The following C9orf85 variants were observed in gnomAD, a reference collection of about 807,000 sequenced individuals.
C9orf85 encodes uncharacterized protein C9orf85.
A neutral mutation model predicts 14.9 loss-of-function variants in C9orf85; 16 were observed. The ratio of observed to expected loss-of-function variants is 1.08; its 90% CI spans 0.73 to 1.63. The LOEUF (loss-of-function observed/expected upper bound fraction) is 1.63. C9orf85 is among the 40% of genes most tolerant of loss of function. C9orf85 has a pLI of 0.00. For synonymous variants in C9orf85, 45 were observed against 56.8 expected (o/e 0.79, Z 0.93); for missense variants, 172 against 186.1 (o/e 0.92, Z 0.44).
At chr9:71,918,518 G>T in intron 1 of C9orf85, 1 of 1,082,342 alleles carries the variant, frequency 9.2e-7, no homozygotes, top group Non-Finnish European at 1.3e-6. Context: ...TCCATGGCCT[G>T]TCAGGAACTG....
chr9:71,961,431 T>G (rs757100752), intron 2 of C9orf85, among the ~76,000 whole-genome samples: 4 of 151,952 alleles, frequency 2.6e-5, no homozygotes, highest in Non-Finnish European at 5.9e-5. Context: ...CATGGTGGCA[T>G]GCACCTGTAG....
intron 2 of C9orf85, among the ~76,000 whole-genome samples, chr9:71,963,296 G>A (rs1822576443): frequency 6.6e-6 from 1 of 152,154 alleles, no homozygotes. Context: ...CTTGCTCCCA[G>A]AGCTCCCAAG....
At chr9:71,915,991 G>T (rs1827639844) in intron 1 of C9orf85, among the ~76,000 whole-genome samples, 1 of 152,162 alleles carries the variant, frequency 6.6e-6, no homozygotes, top group South Asian at 2.1e-4. Context: ...ACCAAACATT[G>T]TGCTAGATAT....
intron 3 of C9orf85, among the ~76,000 whole-genome samples, chr9:71,978,536 ATAC>A (rs1408231612): frequency 1.3e-5 from 2 of 152,184 alleles, no homozygotes; most frequent in Admixed American, 6.5e-5. Flanking sequence ...AAGGTATTAT[ATAC>A]TTTATGGGCC....
chr9:71,963,746 A>T (rs145008498), intron 2 of C9orf85, among the ~76,000 whole-genome samples: 1 of 152,072 alleles, frequency 6.6e-6, no homozygotes, highest in Non-Finnish European at 1.5e-5. Flanking sequence ...GCTGCGCTTG[A>T]TTTCTCCCCG....
chr9:71,981,508 A>C (rs1360162301), intron 3 of C9orf85, among the ~76,000 whole-genome samples: 1 of 152,160 alleles, frequency 6.6e-6, no homozygotes. Context: ...AGGAGTTTCA[A>C]CTCAGGAGTC....
At position 71,915,116 on chromosome 9, in the gene C9orf85, G is replaced by A. The variant is rs1018146839; in HGVS notation, c.102+3280G>A. On this transcript the variant is annotated intron_variant, in intron 1 of 3. Coordinates refer to ENST00000334731, the MANE Select transcript of C9orf85 (RefSeq NM_182505.5). The stretch of plus-strand genomic sequence containing the variant: ...GCTTTTAATCTATGATACTGGGTTA[G>A]TACTATCTCTTGTCTTACTTTCCTC... Among the ~76,000 whole-genome samples the A allele has an allele frequency of 2.0e-5, 3 of 151,970 alleles. No homozygotes were observed. The South Asian group carries it at 6.2e-4, about 32-fold the overall frequency.
chr9:71,967,190 A>G (rs1042224150), intron 2 of C9orf85, among the ~76,000 whole-genome samples: 1 of 152,168 alleles, frequency 6.6e-6, no homozygotes, highest in Admixed American at 6.5e-5. Flanking sequence ...GAAGTTGTAT[A>G]ATTCTTGATT....
intron 1 of C9orf85, among the ~76,000 whole-genome samples, chr9:71,917,255 G>T (rs1032210558): frequency 6.6e-6 from 1 of 152,222 alleles, no homozygotes; most frequent in African/African-American, 2.4e-5. Flanking sequence ...TTGCTTGTTT[G>T]AAATGTTCTA....
chr9:71,911,845 C>T lies in C9orf85; in HGVS notation c.102+9C>T. 6.2e-7 allele frequency: 1 copy of T among 1,611,588 alleles called. No homozygotes were observed. Among genetic ancestry groups the T allele is most frequent in the Non-Finnish European group, 8.5e-7 (1 of 1,177,742 alleles). Reference sequence around the variant, plus strand: ...AAAGTGTGCAGACCAAGGTAGGAACCTGCCTGTTGCACCGTCTTTGACTCC... The same window carrying T: ...AAAGTGTGCAGACCAAGGTAGGAACTTGCCTGTTGCACCGTCTTTGACTCC... On this transcript the variant is annotated intron_variant, in intron 1 of 3. Transcript: ENST00000334731.
chr9:71,968,937 A>C (rs547824388), intron 2 of C9orf85, among the ~76,000 whole-genome samples: 1 of 151,904 alleles, frequency 6.6e-6, no homozygotes, highest in Non-Finnish European at 1.5e-5. Flanking sequence ...GGCAGGAAAG[A>C]CGGTTATGGA....
At chr9:71,960,556 A>G (rs1161672639) in intron 2 of C9orf85, among the ~76,000 whole-genome samples, 5 of 152,136 alleles carry the variant, frequency 3.3e-5, no homozygotes, top group Non-Finnish European at 7.4e-5. Flanking sequence ...AAACAGTTAC[A>G]TTTTACAGGT....
At chr9:71,936,343 A>C (rs1828191427) in intron 1 of C9orf85, among the ~76,000 whole-genome samples, 1 of 152,174 alleles carries the variant, frequency 6.6e-6, no homozygotes, top group Non-Finnish European at 1.5e-5. Flanking sequence ...TGTCAAAAGA[A>C]GGGACTGAAC....
At position 71,972,867 on chromosome 9, in the gene C9orf85, G is replaced by A. The variant is rs746868980; in HGVS notation, c.*25G>A. 2 of 1,580,908 alleles carry A rather than the reference G, an allele frequency of 1.3e-6. No individual in the cohort carries two copies. The highest frequency in any genetic ancestry group is 2.3e-5 in the East Asian group (1 of 43,474). On this transcript the variant is annotated 3_prime_UTR_variant, in exon 4 of 4. Transcript: ENST00000334731. ...ATATCACTGTATTAAAAGTCTGCCG[G>A]GCACAGTGGCTCACGCCTGTAATCC...
rs111324612 is a variant in C9orf85 at position 71,947,642 on chromosome 9, T to C, written c.209+530T>C. On this transcript the variant is annotated intron_variant, in intron 2 of 3. Transcript: ENST00000334731. ...CTGCCATCCCTAAATCCTTTTTTTT[T>C]TTTCTTTCTTTCTTTTTTGAGATGG... 5.2e-3 allele frequency among the ~76,000 whole-genome samples: 797 copies of C among 152,182 alleles called. 4 individuals carry two copies. The highest frequency in any genetic ancestry group is 0.014 in the Middle Eastern group (4 of 294).
At position 71,968,420 on chromosome 9, in the gene C9orf85, T is replaced by TA. The variant is rs57657282; in HGVS notation, c.210-3070dup. 4.0e-3 allele frequency among the ~76,000 whole-genome samples: 566 copies of TA among 142,176 alleles called. 5 individuals are homozygous for TA. The highest frequency in any genetic ancestry group is 0.011 in the Middle Eastern group (3 of 272). The allele number at this position is 142,176 out of a possible 152,430, so 93.3% of individuals were successfully genotyped here. A position where few individuals can be genotyped will look rare whatever the true frequency, so the allele number is the denominator to read the frequency against. On this transcript the variant is annotated intron_variant, in intron 2 of 3. Coordinates refer to ENST00000334731, the MANE Select transcript of C9orf85 (RefSeq NM_182505.5). Reference sequence around the variant, plus strand: ...AGCCATTTGGGCCTGGAGTTTTCCTTAAAAAAAAAAAAAAATTAGGAGAGT... The same window carrying TA: ...AGCCATTTGGGCCTGGAGTTTTCCTTAAAAAAAAAAAAAAAATTAGGAGAGT...
At chr9:71,948,814 C>A (rs1302680224) in intron 2 of C9orf85, among the ~76,000 whole-genome samples, 14 of 912 alleles carry the variant, frequency 0.015, no homozygotes, top group South Asian at 0.12. Context: ...GTGAGCCACG[C>A]CCCCCCCCCC....
chr9:71,923,945 C>G (rs74977827), intron 1 of C9orf85, among the ~76,000 whole-genome samples: 2,673 of 152,246 alleles, frequency 0.018, 42 homozygotes, highest in Non-Finnish European at 0.027. Flanking sequence ...CTAGATAGAA[C>G]AAATGTTAAC....
chr9:71,947,059 T>G lies in C9orf85; in HGVS notation c.156T>G (p.Leu52=), dbSNP rs761918902. 4 of 1,613,606 alleles carry G rather than the reference T, an allele frequency of 2.5e-6. No homozygotes were observed. The highest frequency in any genetic ancestry group is 3.4e-6 in the Non-Finnish European group (4 of 1,179,742). Residue 52 remains leucine (L), a synonymous_variant, in exon 2 of 4, where the codon CTT becomes CTG. Coordinates refer to ENST00000334731, the MANE Select transcript of C9orf85 (RefSeq NM_182505.5). ...TATGTCAGCGCTGTAAAGAAGTTCT[T>G]GAGTGGCGTGTAAAATACAGCAAAT... ...DGVCQRCKEV[L]EWRVKYSKYK...
Sources: gnomAD v4.1 joint callset for allele counts (sites outside exome capture counted in the v4.1 genomes callset) on GRCh38, gnomAD v4.1.1 for gene constraint, MANE v1.5 for transcripts, NCBI Gene and HGNC (gene_info 2026-07-23, HGNC 2026-07-21) for gene names.